PPFIBP1: variants seen among roughly 807,000 people sequenced by gnomAD.
The protein encoded by PPFIBP1 is PPFIB scaffold protein 1, also known as liprin-beta-1.
A neutral mutation model predicts 137.8 loss-of-function variants in PPFIBP1; 112 were observed. That is an observed-to-expected ratio of 0.81 (90% confidence interval 0.70 to 0.95). The LOEUF (loss-of-function observed/expected upper bound fraction) is 0.95, where lower values mean the gene tolerates loss of function less well. PPFIBP1 is among the 40% of genes least tolerant of loss of function. The pLI is 0.00. For missense variants in PPFIBP1, 1,083 were observed against 1,196.6 expected, an observed-to-expected ratio of 0.91 and a Z score of 1.40; for synonymous variants, 378 against 417.3, an observed-to-expected ratio of 0.91 and a Z score of 1.15.
At chr12:27,689,708 A>T (rs1184629731) in intron 27 of PPFIBP1, among the ~76,000 whole-genome samples, 1 of 151,854 alleles carries the variant, frequency 6.6e-6, no homozygotes, top group Non-Finnish European at 1.5e-5. Flanking sequence ...CTAGTTCCCA[A>T]CCCAGGCTTG....
chr12:27,593,412 A>G, intron 2 of PPFIBP1: 2 of 455,590 alleles, frequency 4.4e-6, no homozygotes, highest in South Asian at 3.1e-5. Flanking sequence ...CAGCCAGCTC[A>G]TGTTCCTTAA....
chr12:27,581,388 T>C (rs1223052595), intron 2 of PPFIBP1, among the ~76,000 whole-genome samples: 1 of 152,236 alleles, frequency 6.6e-6, no homozygotes, highest in South Asian at 2.1e-4. Flanking sequence ...TGGGAGCCAC[T>C]TGTCCAGCTT....
At position 27,660,921 on chromosome 12, in the gene PPFIBP1, C is replaced by T; in HGVS notation, c.882C>T (p.Ser294=). The change falls in exon 11 of 30, where the codon TCC becomes TCT. Residue 294 remains serine (S), a synonymous_variant. Transcript: ENST00000228425. The stretch of plus-strand genomic sequence containing the variant: ...AAAAAATGAAAAAAGCTGTGGAGTC[C>T]TTGATGGCAGCAAATGAAGAAAAGG... ...EVQKMKKAVE[S]LMAANEEKDR... is the part of the protein sequence containing the mutation. 2 of 1,613,134 alleles carry T rather than the reference C, an allele frequency of 1.2e-6. No individual in the cohort carries two copies. Among genetic ancestry groups the T allele is most frequent in the Non-Finnish European group, 1.7e-6 (2 of 1,179,660 alleles).
chr12:27,552,314 T>G (rs200624371), intron 1 of PPFIBP1, among the ~76,000 whole-genome samples: 1 of 152,206 alleles, frequency 6.6e-6, no homozygotes, highest in South Asian at 2.1e-4. Flanking sequence ...ATGAAGAGAA[T>G]TGAACCGCTA....
chr12:27,672,406 CTT>C lies in PPFIBP1; in HGVS notation c.1263-18_1263-17del. The C allele has an allele frequency of 6.3e-7, 1 of 1,587,588 alleles. No individual in the cohort carries two copies. Among genetic ancestry groups the C allele is most frequent in the Non-Finnish European group, 8.6e-7 (1 of 1,158,022 alleles). On this transcript the variant is annotated intron_variant, in intron 14 of 29. Coordinates refer to ENST00000228425, the MANE Select transcript of PPFIBP1 (RefSeq NM_003622.4). Reference sequence around the variant, plus strand: ...TTTTATTCGTGAAGTTAATAAATACCTTTTGTTCTTTACATTTTAGTGATGGA... The same window carrying C: ...TTTTATTCGTGAAGTTAATAAATACCTTGTTCTTTACATTTTAGTGATGGA...
chr12:27,654,591 G>C, intron 7 of PPFIBP1, 131 bp from the exon 8 acceptor site: 6 of 1,156,158 alleles, frequency 5.2e-6, no homozygotes, highest in South Asian at 2.7e-5. Context: ...ATTTCCATTT[G>C]TCTCATCTGA....
chr12:27,560,937 A>AT (rs35115461), intron 1 of PPFIBP1, among the ~76,000 whole-genome samples: 1 of 152,118 alleles, frequency 6.6e-6, no homozygotes, highest in African/African-American at 2.4e-5. Flanking sequence ...TGAAGAGATG[A>AT]TTTTTGCTAG....
intron 2 of PPFIBP1, among the ~76,000 whole-genome samples, chr12:27,626,647 A>T (rs1464675518): frequency 6.6e-6 from 1 of 151,768 alleles, no homozygotes; most frequent in African/African-American, 2.4e-5. Flanking sequence ...GCTCACTGCA[A>T]CCTCTGCCTC....
intron 1 of PPFIBP1, among the ~76,000 whole-genome samples, chr12:27,562,043 G>A (rs2049210201): frequency 6.6e-6 from 1 of 152,030 alleles, no homozygotes; most frequent in African/African-American, 2.4e-5. Flanking sequence ...GTGGTACCCT[G>A]TCTTAATCAA....
At chr12:27,606,694 A>T (rs1276257266) in intron 2 of PPFIBP1, among the ~76,000 whole-genome samples, 1 of 152,232 alleles carries the variant, frequency 6.6e-6, no homozygotes, top group Non-Finnish European at 1.5e-5. Context: ...GGAAGACCCA[A>T]CTGGTAAGAA....
intron 2 of PPFIBP1, among the ~76,000 whole-genome samples, chr12:27,622,179 T>G (rs550898820): frequency 3.8e-4 from 58 of 152,212 alleles, no homozygotes; most frequent in Non-Finnish European, 7.2e-4. Flanking sequence ...TTGCTCCCTG[T>G]GTTGCACCTT....
intron 6 of PPFIBP1, among the ~76,000 whole-genome samples, chr12:27,648,566 C>G (rs561086001): frequency 6.6e-6 from 1 of 152,320 alleles, no homozygotes; most frequent in South Asian, 2.1e-4. Context: ...TGCTGCAGCT[C>G]TGTTCACAGC....
chr12:27,563,061 G>A (rs1048785740), intron 1 of PPFIBP1, among the ~76,000 whole-genome samples: 2 of 151,152 alleles, frequency 1.3e-5, no homozygotes, highest in Non-Finnish European at 2.9e-5. Flanking sequence ...TGGAATTAAG[G>A]TTACTAATCA....
At chr12:27,539,291 T>G (rs1026563092) in intron 1 of PPFIBP1, among the ~76,000 whole-genome samples, 12 of 152,086 alleles carry the variant, frequency 7.9e-5, no homozygotes, top group African/African-American at 2.9e-4. Flanking sequence ...TGTTTAGGAG[T>G]GGTGACAGAC....
intron 24 of PPFIBP1, 105 bp downstream of exon 24, chr12:27,682,808 T>A: frequency 1.3e-6 from 2 of 1,554,192 alleles, no homozygotes; most frequent in Admixed American, 3.8e-5. Flanking sequence ...TCCACCAGAG[T>A]TTGAAGCTGT....
intron 2 of PPFIBP1, among the ~76,000 whole-genome samples, chr12:27,605,036 C>A (rs1244827179): frequency 6.6e-6 from 1 of 152,138 alleles, no homozygotes; most frequent in Admixed American, 6.5e-5. Context: ...CATCTCCCAC[C>A]AGGTCCCTCC....
At chr12:27,652,406 A>G (rs2058929887) in intron 7 of PPFIBP1, among the ~76,000 whole-genome samples, 2 of 152,204 alleles carry the variant, frequency 1.3e-5, no homozygotes, top group South Asian at 4.1e-4. Flanking sequence ...GGAGCCCTGA[A>G]TTCTCTGAAA....
Position 27,692,856 on chromosome 12 carries a change from A to T in PPFIBP1, c.2992A>T (p.Ile998Phe). The T allele has an allele frequency of 6.2e-7, 1 of 1,614,162 alleles. No homozygotes were observed. The highest frequency in any genetic ancestry group is 8.5e-7 in the Non-Finnish European group (1 of 1,180,008). Residue 998 changes from isoleucine to phenylalanine, a missense_variant, in exon 30 of 30, where the codon ATT becomes TTT. Ile to Phe is a conservative substitution (Grantham distance 21). Transcript: ENST00000228425. ...DFAARSPSASITDEDSNV is the reference protein window; with the variant it reads ...DFAARSPSASFTDEDSNV ...TGCTGCCCGTTCCCCCAGTGCCAGC[A>T]TTACAGATGAAGACTCAAACGTTTG...
chr12:27,580,166 A>G (rs1461147087), intron 2 of PPFIBP1, among the ~76,000 whole-genome samples: 1 of 152,212 alleles, frequency 6.6e-6, no homozygotes, highest in African/African-American at 2.4e-5. Flanking sequence ...AAATAGAGGC[A>G]GGCCTGAGCT....
Sources: gnomAD v4.1 joint callset for allele counts (sites outside exome capture counted in the v4.1 genomes callset) on GRCh38, gnomAD v4.1.1 for gene constraint, MANE v1.5 for transcripts, NCBI Gene and HGNC (gene_info 2026-07-23, HGNC 2026-07-21) for gene names.